The following RAB1B variants were observed in gnomAD, a reference collection of about 807,000 sequenced individuals.
RAB1B encodes the protein RAB1B, member RAS oncogene family.
In RAB1B, 10 loss-of-function variants were observed where a neutral mutation model predicts 24.8. That is an observed-to-expected ratio of 0.40 (90% CI 0.25 to 0.68). The LOEUF (loss-of-function observed/expected upper bound fraction) is 0.68, where lower values mean the gene tolerates loss of function less well. Ranked by LOEUF, RAB1B falls within the 30% of genes least tolerant of loss-of-function variation. The probability of loss-of-function intolerance (pLI) is 0.37; values close to 1 mark genes in which losing one functional copy is unlikely to be tolerated. For missense variants in RAB1B, 154 were observed against 271.2 expected (o/e 0.57, Z 3.04); for synonymous variants, 99 against 111.7 (o/e 0.89, Z 0.72).
rs1452501334 is a variant in RAB1B at position 66,272,783 on chromosome 11, TTTAGTCAGGCG to T, written c.279+324_279+334del. ...TCTGGGCACCTTTGTGTTGTGGGAGTTTAGTCAGGCGGTTGGCTGCTATGCTGGGCCTGTGG... is the reference window on the plus strand; with the variant it reads ...TCTGGGCACCTTTGTGTTGTGGGAGTGTTGGCTGCTATGCTGGGCCTGTGG... On this transcript the variant is annotated intron_variant, in intron 4 of 5. Coordinates refer to ENST00000311481, the MANE Select transcript of RAB1B (RefSeq NM_030981.3). Among the ~76,000 whole-genome samples, 16 of 152,086 alleles carry T rather than the reference TTTAGTCAGGCG, an allele frequency of 1.1e-4. No homozygotes were observed. The East Asian group carries it at 2.9e-3, about 28-fold the overall frequency.
At chr11:66,271,730 G>T (rs1485259644) in intron 1 of RAB1B, 67 bp from the exon 2 acceptor site, 11 of 1,120,354 alleles carry the variant, frequency 9.8e-6, no homozygotes, top group Non-Finnish European at 1.5e-5. Context: ...TCCTGTAATT[G>T]TGACTCCAGG....
rs371245994 is a variant in RAB1B at position 66,275,868 on chromosome 11, A to G, written c.344A>G (p.Asn115Ser). 8.4e-5 allele frequency: 134 copies of G among 1,604,348 alleles called. No individual in the cohort carries two copies. The highest frequency in any genetic ancestry group is 1.9e-4 in the African/African-American group (14 of 75,032). ...EIDRYASENV[N>S]KLLVGNKSDL... The stretch of plus-strand genomic sequence containing the variant: ...GACCGCTATGCCAGCGAGAACGTCA[A>G]TAAGCTCCTGGTGGGCAACAAGAGC... The change falls in exon 5 of 6, where the codon AAT (asparagine) becomes AGT (serine). Residue 115 changes from asparagine (N) to serine (S), a missense_variant. Coordinates refer to ENST00000311481, the MANE Select transcript of RAB1B (RefSeq NM_030981.3).
At chr11:66,275,464 C>T (rs576399012) in intron 4 of RAB1B, among the ~76,000 whole-genome samples, 3 of 152,292 alleles carry the variant, frequency 2.0e-5, no homozygotes, top group South Asian at 2.1e-4. Flanking sequence ...TCCTATCTCC[C>T]GTCCGCTCTC....
Position 66,276,484 on chromosome 11 carries a change from C to T in RAB1B, c.*246C>T. 1 of 488,352 alleles carries T rather than the reference C, an allele frequency of 2.0e-6. No homozygotes were observed. The highest frequency in any genetic ancestry group is 3.6e-6 in the Non-Finnish European group (1 of 278,966). 30.3% of individuals were successfully genotyped at this position (488,352 alleles called of 1,614,324 possible). ...GCGGAGGCCTGCTGTGCTGTTGCCTCTAGGTGACTTTCCAAGATGCCCCCC... is the reference window on the plus strand; with the variant it reads ...GCGGAGGCCTGCTGTGCTGTTGCCTTTAGGTGACTTTCCAAGATGCCCCCC... On this transcript the variant is annotated 3_prime_UTR_variant, in exon 6 of 6. Coordinates refer to ENST00000311481, the MANE Select transcript of RAB1B (RefSeq NM_030981.3).
At chr11:66,269,054 C>T (rs545526411) in intron 1 of RAB1B, among the ~76,000 whole-genome samples, 1 of 152,022 alleles carries the variant, frequency 6.6e-6, no homozygotes, top group Non-Finnish European at 1.5e-5. Context: ...GTTTTGGAGC[C>T]CGTCTTGATA....
At position 66,277,089 on chromosome 11, in the gene RAB1B, C is replaced by T. The variant is rs1186230062; in HGVS notation, c.*851C>T. Reference sequence around the variant, plus strand: ...ACATCTGGCTCACTCCCCACTCCGTCTCTGGAGCCCACCAGGGAAGGCCCT... The same window carrying T: ...ACATCTGGCTCACTCCCCACTCCGTTTCTGGAGCCCACCAGGGAAGGCCCT... On this transcript the variant is annotated 3_prime_UTR_variant, in exon 6 of 6. Coordinates refer to ENST00000311481, the MANE Select transcript of RAB1B (RefSeq NM_030981.3). The T allele has an allele frequency of 2.0e-5, 3 of 152,864 alleles. No individual in the cohort carries two copies. Among genetic ancestry groups the T allele is most frequent in the African/African-American group, 7.2e-5 (3 of 41,458 alleles). The allele number at this position is 152,864 out of a possible 1,614,324, so 9.5% of individuals were successfully genotyped here.
At chr11:66,270,335 T>C (rs888855168) in intron 1 of RAB1B, 9 of 152,098 alleles carry the variant, frequency 5.9e-5, no homozygotes, top group African/African-American at 2.2e-4. Context: ...ATCCCAGGAC[T>C]TTGGGAGGCC....
intron 1 of RAB1B, 59 bp downstream of exon 1, chr11:66,268,752 C>T (rs1856986526): frequency 1.3e-6 from 2 of 1,504,046 alleles, no homozygotes; most frequent in Non-Finnish European, 8.9e-7. Context: ...CAGGGCTGTA[C>T]GCTTACCGGG....
Position 66,276,034 on chromosome 11 carries a change from C to T in RAB1B, c.412-10C>T, listed in dbSNP as rs1857137945. 1 of 1,611,760 alleles carries T rather than the reference C, an allele frequency of 6.2e-7. No individual in the cohort carries two copies. Among genetic ancestry groups the T allele is most frequent in the Non-Finnish European group, 8.5e-7 (1 of 1,179,162 alleles). On this transcript the variant is annotated splice_polypyrimidine_tract_variant and intron_variant, in intron 5 of 5. Coordinates refer to ENST00000311481, the MANE Select transcript of RAB1B (RefSeq NM_030981.3). ...TCTCTCCCCTCCTCTTCTCTCCTCT[C>T]CCTTGTCAGGAGTTTGCAGACTCTC...
rs755989196 is a variant in RAB1B, at chr11:66,276,478, T to C, written c.*240T>C. On this transcript the variant is annotated 3_prime_UTR_variant, in exon 6 of 6. Coordinates refer to ENST00000311481, the MANE Select transcript of RAB1B (RefSeq NM_030981.3). ...GGCAGGGCGGAGGCCTGCTGTGCTGTTGCCTCTAGGTGACTTTCCAAGATG... is the reference window on the plus strand; with the variant it reads ...GGCAGGGCGGAGGCCTGCTGTGCTGCTGCCTCTAGGTGACTTTCCAAGATG... 2.6e-5 allele frequency: 13 copies of C among 502,910 alleles called. No individual in the cohort carries two copies. Among genetic ancestry groups the C allele is most frequent in the Non-Finnish European group, 4.2e-5 (12 of 287,992 alleles). 31.2% of individuals were successfully genotyped at this position (502,910 alleles called of 1,614,324 possible). A position where few individuals can be genotyped will look rare whatever the true frequency, so the allele number is the denominator to read the frequency against.
Position 66,277,171 on chromosome 11 carries a change from C to T in RAB1B, c.*933C>T, listed in dbSNP as rs969715034. On this transcript the variant is annotated 3_prime_UTR_variant, in exon 6 of 6. Transcript: ENST00000311481. ...GGGTTCCATCCAGGATTGGGGGCCT[C>T]TCTGCTCACCCACTCTGCACCCAGG... is the stretch of plus-strand genomic sequence containing the variant. The T allele has an allele frequency of 1.3e-5, 2 of 152,810 alleles. No homozygotes were observed. Among genetic ancestry groups the T allele is most frequent in the Admixed American group, 6.5e-5 (1 of 15,296 alleles). 9.5% of individuals were successfully genotyped at this position (152,810 alleles called of 1,614,324 possible). A position where few individuals can be genotyped will look rare whatever the true frequency, so the allele number is the denominator to read the frequency against.
chr11:66,273,560 T>C (rs1857095291), intron 4 of RAB1B, among the ~76,000 whole-genome samples: 2 of 152,340 alleles, frequency 1.3e-5, no homozygotes, highest in Middle Eastern at 3.4e-3. Flanking sequence ...CACCCTGTGT[T>C]TGGTGCTTCC....
In RAB1B at chr11:66,276,155, C is replaced by T. The variant is rs1393503361; in HGVS notation, c.523C>T (p.Pro175Ser). The T allele has an allele frequency of 6.2e-6, 10 of 1,612,758 alleles. No individual in the cohort carries two copies. Among genetic ancestry groups the T allele is most frequent in the African/African-American group, 2.7e-5 (2 of 74,950 alleles). Reference sequence around the variant, plus strand: ...TGCTGAAATCAAAAAGCGGATGGGGCCTGGAGCAGCCTCTGGGGGCGAGCG... The same window carrying T: ...TGCTGAAATCAAAAAGCGGATGGGGTCTGGAGCAGCCTCTGGGGGCGAGCG... ...MAAEIKKRMGPGAASGGERPN... is the reference protein window; with the variant it reads ...MAAEIKKRMGSGAASGGERPN... Residue 175 changes from proline (P) to serine (S), a missense_variant, in exon 6 of 6, where the codon CCT becomes TCT. Transcript: ENST00000311481.
intron 2 of RAB1B, 139 bp downstream of exon 2, chr11:66,272,008 C>A: frequency 1.1e-6 from 1 of 944,072 alleles, no homozygotes; most frequent in Non-Finnish European, 1.7e-6. Flanking sequence ...GCACATCTGC[C>A]CTGAACAAGA....
At chr11:66,271,896 C>A in intron 2 of RAB1B, 27 bp downstream of exon 2, 1 of 1,585,188 alleles carries the variant, frequency 6.3e-7, no homozygotes, top group Non-Finnish European at 8.7e-7. Flanking sequence ...CCATACCATC[C>A]ACCTGGGGTC....
intron 4 of RAB1B, among the ~76,000 whole-genome samples, chr11:66,272,836 A>G (rs1857083303): frequency 6.6e-6 from 1 of 152,168 alleles, no homozygotes. Context: ...GTGTGAAGAC[A>G]CAGTGCAGGG....
intron 2 of RAB1B, 66 bp from the exon 3 acceptor site, chr11:66,272,091 G>C: frequency 8.1e-7 from 1 of 1,227,496 alleles, no homozygotes. Context: ...GGGAACTGGA[G>C]GGAGGCTCTC....
chr11:66,270,815 T>C (rs1325733699), intron 1 of RAB1B: 2 of 152,436 alleles, frequency 1.3e-5, no homozygotes, highest in Non-Finnish European at 2.9e-5. Context: ...ACGCAGGGCA[T>C]GTACTGGGGA....
At position 66,271,869 on chromosome 11, in the gene RAB1B, TGTGA is replaced by T. The variant is rs774812441; in HGVS notation, c.87+3_87+6del. 6 of 1,613,572 alleles carry T rather than the reference TGTGA, an allele frequency of 3.7e-6. No homozygotes were observed. The highest frequency in any genetic ancestry group is 1.6e-4 in the Middle Eastern group (1 of 6,084). On this transcript the variant is annotated splice_donor_variant and splice_donor_region_variant and intron_variant, in intron 2 of 5. Transcript: ENST00000311481. LOFTEE classifies it high-confidence loss of function. ...AGTCATGCCTGCTCCTGCGGTTTGC[TGTGA>T]GTAAGAAGCCTCCCATACCATCCAC...
Sources: allele counts gnomAD v4.1 joint callset (sites outside exome capture counted in the v4.1 genomes callset), GRCh38; gene constraint gnomAD v4.1.1; transcripts MANE v1.5; gene names NCBI Gene and HGNC (gene_info 2026-07-23, HGNC 2026-07-21).